Variants in MCF2 observed in about 807,000 individuals in gnomAD.
MCF2 encodes the protein MCF.2 cell line derived transforming sequence.
MCF2 carries 44 observed loss-of-function variants against 82.5 expected under a neutral mutation model. The observed-to-expected ratio is 0.53, with a 90% CI of 0.42 to 0.69. The LOEUF (loss-of-function observed/expected upper bound fraction) is 0.69. MCF2 is among the 30% of genes least tolerant of loss of function. The pLI is 0.00. For synonymous variants in MCF2, 217 were observed against 224.9 expected (o/e 0.96, Z 0.32); for missense variants, 623 against 663.1 (o/e 0.94, Z 0.66).
intron 3 of MCF2, among the ~76,000 whole-genome samples, chrX:139,630,758 T>C (rs1205121783): frequency 6.2e-5 from 7 of 112,162 alleles, no homozygotes; most frequent in East Asian, 2.8e-4. Context: ...GATACTCATA[T>C]ACCACAGACA....
intron 1 of MCF2, among the ~76,000 whole-genome samples, chrX:139,638,797 G>A (rs769693637): frequency 2.2e-3 from 249 of 111,662 alleles, no homozygotes; most frequent in Non-Finnish European, 3.1e-3. Context: ...ATATGGACAC[G>A]TCCTTATCTG....
At chrX:139,610,135 A>G (rs1415869870) in intron 11 of MCF2, among the ~76,000 whole-genome samples, 166 bp downstream of exon 15, 1 of 112,401 alleles carries the variant, frequency 8.9e-6, no homozygotes, top group African/African-American at 3.2e-5. Flanking sequence ...ATCTGGGGAT[A>G]TGCCAGTAAT....
intron 1 of MCF2, among the ~76,000 whole-genome samples, chrX:139,677,348 C>T (rs1284248779): frequency 2.7e-5 from 3 of 111,403 alleles, no homozygotes; most frequent in African/African-American, 9.8e-5. Context: ...GTCGCCCACC[C>T]GACCCTCTTC....
intron 10 of MCF2, 119 bp downstream of exon 13, chrX:139,614,762 A>G (rs909064765): frequency 3.1e-5 from 21 of 673,269 alleles, no homozygotes; most frequent in Non-Finnish European, 4.5e-5. Context: ...ATATGACCAA[A>G]GATGCTAAAG....
Position 139,591,746 on chromosome X carries a change from C to T in MCF2, c.2278-1819G>A, listed in dbSNP as rs558671567. The stretch of plus-strand genomic sequence containing the variant: ...ACACTGGGGACTACCAGAGGAGGGA[C>T]GGAGGGAGAGGGACAAGGGTTGGAA... On this transcript the variant is annotated intron_variant, in intron 19 of 24. Transcript: ENST00000370576. Among the ~76,000 whole-genome samples, 40 of 109,926 alleles carry T rather than the reference C, an allele frequency of 3.6e-4. 1 individual carries two copies. In the South Asian group the frequency reaches 0.014, roughly 38 times the overall value.
upstream of MCF2, among the ~76,000 whole-genome samples, chrX:139,645,371 C>T (rs182162760): frequency 9.9e-5 from 11 of 111,227 alleles, no homozygotes; most frequent in East Asian, 3.1e-3. Context: ...AAACTACTCA[C>T]TCATTCTTAC....
intron 1 of MCF2, among the ~76,000 whole-genome samples, chrX:139,677,654 T>C (rs1216208937): frequency 9.0e-6 from 1 of 111,720 alleles, no homozygotes; most frequent in Non-Finnish European, 1.9e-5. Context: ...CTTTAAGCCA[T>C]CTGTGGATGG....
chrX:139,673,083 ATT>A (rs1172559256), intron 1 of MCF2, among the ~76,000 whole-genome samples: 2 of 111,246 alleles, frequency 1.8e-5, no homozygotes, highest in Non-Finnish European at 3.8e-5. Flanking sequence ...TTTCTTCTAG[ATT>A]TTCTAGTTTA....
chrX:139,677,619 A>C (rs1934900913), intron 1 of MCF2, among the ~76,000 whole-genome samples: 1 of 111,947 alleles, frequency 8.9e-6, no homozygotes, highest in African/African-American at 3.2e-5. Flanking sequence ...CCCCAGAGCC[A>C]GAACACCACT....
At chrX:139,701,640 A>G (rs1935500537) in intron 1 of MCF2, among the ~76,000 whole-genome samples, 1 of 111,661 alleles carries the variant, frequency 9.0e-6, no homozygotes, top group Admixed American at 9.5e-5. Context: ...CCACCTACCT[A>G]CTACAAAAAC....
At chrX:139,597,562 G>A in exon 18 of MCF2, 2 of 1,156,508 alleles carry the variant, frequency 1.7e-6, no homozygotes, top group Non-Finnish European at 1.2e-6. Context: ...ATCCTTCACA[G>A]TCTTTGCTAT....
intron 1 of MCF2, among the ~76,000 whole-genome samples, chrX:139,684,734 T>C (rs1352851761): frequency 3.6e-5 from 4 of 112,088 alleles, no homozygotes; most frequent in African/African-American, 1.3e-4. Flanking sequence ...ACATATTGTA[T>C]GATTCTATGT....
At chrX:139,585,045 A>G (rs762611780) in intron 24 of MCF2, 21 bp downstream of exon 28, 120 of 1,056,153 alleles carry the variant, frequency 1.1e-4, no homozygotes, top group Non-Finnish European at 1.5e-4. Flanking sequence ...AATAATTTTA[A>G]TTTACTATAT....
intron 1 of MCF2, among the ~76,000 whole-genome samples, chrX:139,660,683 A>G (rs1934333391): frequency 8.9e-6 from 1 of 112,626 alleles, no homozygotes; most frequent in Admixed American, 9.4e-5. Flanking sequence ...CTACAGTAAA[A>G]CAATCTATGC....
chrX:139,656,410 G>A (rs1934202997), intron 1 of MCF2, among the ~76,000 whole-genome samples: 1 of 112,404 alleles, frequency 8.9e-6, no homozygotes, highest in Non-Finnish European at 1.9e-5. Context: ...CCAACAACAT[G>A]TAAAATCCAT....
intron 4 of MCF2, among the ~76,000 whole-genome samples, chrX:139,628,904 G>A (rs1436248354): frequency 9.0e-6 from 1 of 111,542 alleles, no homozygotes; most frequent in East Asian, 2.8e-4. Flanking sequence ...CTGGTCTACT[G>A]TAGGAAACAT....
intron 7 of MCF2, among the ~76,000 whole-genome samples, chrX:139,618,792 T>G (rs1330018352): frequency 8.9e-6 from 1 of 111,765 alleles, no homozygotes; most frequent in Non-Finnish European, 1.9e-5. Flanking sequence ...GCTAAGAGTT[T>G]TTTAAGTATT....
intron 13 of MCF2, among the ~76,000 whole-genome samples, chrX:139,605,394 T>G (rs1930911501): frequency 9.0e-6 from 1 of 111,415 alleles, no homozygotes; most frequent in African/African-American, 3.3e-5. Context: ...AAAAGAATAT[T>G]TTATCCCATT....
intron 1 of MCF2, among the ~76,000 whole-genome samples, chrX:139,639,555 G>A (rs1000638969): frequency 4.5e-5 from 5 of 111,317 alleles, no homozygotes; most frequent in Non-Finnish European, 9.4e-5. Flanking sequence ...CCCTCCCAGA[G>A]AACAGATTTA....
Sources: gnomAD v4.1 joint callset for allele counts (sites outside exome capture counted in the v4.1 genomes callset) on GRCh38, gnomAD v4.1.1 for gene constraint, MANE v1.5 for transcripts, NCBI Gene and HGNC (gene_info 2026-07-23, HGNC 2026-07-21) for gene names.